Variants in PKHD1 observed in about 807,000 individuals in gnomAD.
PKHD1 encodes the protein fibrocystin.
PKHD1 carries 291 observed loss-of-function variants against 412.0 expected under a neutral mutation model. That is an observed-to-expected ratio of 0.71 (90% confidence interval 0.64 to 0.78). The LOEUF is 0.78. Among genes scored for constraint, PKHD1 ranks in the 30% least tolerant of loss-of-function variants. The pLI is 0.00. For missense variants in PKHD1, 4,825 were observed against 4,950.7 expected, an observed-to-expected ratio of 0.97 and a Z score of 0.76; for synonymous variants, 1,777 against 1,821.5, an observed-to-expected ratio of 0.98 and a Z score of 0.62.
At chr6:51,866,964 T>A (rs1398388417) in intron 48 of PKHD1, among the ~76,000 whole-genome samples, 1 of 152,150 alleles carries the variant, frequency 6.6e-6, no homozygotes, top group African/African-American at 2.4e-5. Flanking sequence ...TATTCAGTGC[T>A]ACCAGTGCAT....
chr6:51,951,668 A>G (rs1337304262), intron 36 of PKHD1, among the ~76,000 whole-genome samples: 1 of 152,214 alleles, frequency 6.6e-6, no homozygotes, highest in Non-Finnish European at 1.5e-5. Flanking sequence ...GACCCCAGGA[A>G]TATTGTATAG....
intron 55 of PKHD1, among the ~76,000 whole-genome samples, chr6:51,766,922 G>A (rs781537854): frequency 1.3e-5 from 2 of 151,996 alleles, no homozygotes; most frequent in East Asian, 3.9e-4. Context: ...GTTATGATCA[G>A]AGCAGTCTTT....
intron 8 of PKHD1, among the ~76,000 whole-genome samples, chr6:52,071,615 T>C (rs1810624992): frequency 6.6e-6 from 1 of 152,114 alleles, no homozygotes. Flanking sequence ...TTCTAAATTT[T>C]TTATTATTTT....
At chr6:51,621,508 T>C (rs972519602) in intron 66 of PKHD1, among the ~76,000 whole-genome samples, 17 of 152,208 alleles carry the variant, frequency 1.1e-4, no homozygotes, top group African/African-American at 4.1e-4. Flanking sequence ...TATCTTGTTT[T>C]TGAGAGACCT....
At chr6:51,645,287 T>C (rs750450075) in intron 63 of PKHD1, among the ~76,000 whole-genome samples, 3 of 152,248 alleles carry the variant, frequency 2.0e-5, no homozygotes, top group African/African-American at 7.2e-5. Context: ...TAATAATAGA[T>C]AATTGTGCTT....
chr6:52,072,109 A>C lies in PKHD1; in HGVS notation c.602+6T>G, dbSNP rs758866420. Reference sequence around the variant, plus strand: ...ATGTGCATTGGCAAGATAATAAGACACTCACCAGCTTCCCATCTGCCTATT... The same window carrying C: ...ATGTGCATTGGCAAGATAATAAGACCCTCACCAGCTTCCCATCTGCCTATT... On this transcript the variant is annotated splice_donor_region_variant and intron_variant, in intron 8 of 66. Transcript: ENST00000371117. 1.3e-6 allele frequency: 2 copies of C among 1,563,398 alleles called. No homozygotes were observed. Among genetic ancestry groups the C allele is most frequent in the South Asian group, 2.2e-5 (2 of 90,056 alleles).
In PKHD1 at chr6:52,025,465, C is replaced by T. The variant is rs376583098; in HGVS notation, c.4345G>A (p.Gly1449Ser). The change falls in exon 32 of 67, where the codon GGT becomes AGT. Residue 1449 changes from glycine to serine, a missense_variant. Transcript: ENST00000371117. ...AAGGAAGCTCCAGGCAAGGGGTCAC[C>T]CTCCAGGCTAACCTGGCAGAGAATG... ...HTILCQVSLEGDPLPGASFSL... is the reference protein window; with the variant it reads ...HTILCQVSLESDPLPGASFSL... 27 of 1,609,870 alleles carry T rather than the reference C, an allele frequency of 1.7e-5. No homozygotes were observed. Among genetic ancestry groups the T allele is most frequent in the Non-Finnish European group, 2.3e-5 (27 of 1,177,290 alleles).
chr6:51,791,114 A>G, intron 53 of PKHD1, 122 bp downstream of exon 53: 2 of 964,000 alleles, frequency 2.1e-6, no homozygotes, highest in Non-Finnish European at 3.4e-6. Context: ...TGCACTCACT[A>G]CTACCTTAAC....
intron 53 of PKHD1, among the ~76,000 whole-genome samples, chr6:51,786,967 G>C (rs959588584): frequency 5.9e-5 from 9 of 152,198 alleles, no homozygotes; most frequent in Admixed American, 1.3e-4. Flanking sequence ...GGCCCTCTAA[G>C]CAAAGCTTTG....
chr6:51,982,108 C>T (rs1795424607), intron 35 of PKHD1, among the ~76,000 whole-genome samples: 1 of 61,818 alleles, frequency 1.6e-5, no homozygotes, highest in African/African-American at 4.4e-5. Context: ...AAGTGAGGAG[C>T]CCCTCCGTCC....
chr6:52,065,852 T>A, intron 12 of PKHD1, 124 bp downstream of exon 12: 1 of 697,264 alleles, frequency 1.4e-6, no homozygotes, highest in South Asian at 1.6e-5. Context: ...ACATGACTTA[T>A]CAAACATGAT....
Position 52,055,899 on chromosome 6 carries a change from T to C in PKHD1, c.1694-170A>G, listed in dbSNP as rs1807656007. Among the ~76,000 whole-genome samples the C allele has an allele frequency of 2.0e-5, 3 of 152,200 alleles. No individual in the cohort carries two copies. In the South Asian group the frequency reaches 6.2e-4, roughly 32 times the overall value. On this transcript the variant is annotated intron_variant, in intron 18 of 66. Coordinates refer to ENST00000371117, the MANE Select transcript of PKHD1 (RefSeq NM_138694.4). ...GTAACTCAACCTCTCTGAGCCTCAG[T>C]TCCTCAACTCTAACTCCCCCAGCAT... is the stretch of plus-strand genomic sequence containing the variant.
At chr6:51,765,118 G>A (rs191346398) in intron 55 of PKHD1, among the ~76,000 whole-genome samples, 15 of 151,932 alleles carry the variant, frequency 9.9e-5, no homozygotes, top group African/African-American at 2.7e-4. Context: ...AACTCAGTGC[G>A]TGCTTCCTCC....
Position 51,616,829 on chromosome 6 carries a change from G to T in PKHD1, c.*2252C>A. On this transcript the variant is annotated 3_prime_UTR_variant, in exon 67 of 67. Coordinates refer to ENST00000371117, the MANE Select transcript of PKHD1 (RefSeq NM_138694.4). ...GAAGATAATAAAAATTGGAAGAAGG[G>T]TAAAGAAGGGGCAGAAATAACAGAG... is the stretch of plus-strand genomic sequence containing the variant. 1 of 394,442 alleles carries T rather than the reference G, an allele frequency of 2.5e-6. No individual in the cohort carries two copies. Among genetic ancestry groups the T allele is most frequent in the Non-Finnish European group, 4.5e-6 (1 of 223,488 alleles). 24.4% of individuals were successfully genotyped at this position (394,442 alleles called of 1,614,324 possible).
intron 11 of PKHD1, among the ~76,000 whole-genome samples, chr6:52,068,669 T>C (rs897193922): frequency 1.3e-5 from 2 of 152,230 alleles, no homozygotes; most frequent in African/African-American, 4.8e-5. Context: ...AGGTCTGACA[T>C]TCTTTCTATA....
At chr6:52,027,696 G>C (rs886548289) in intron 31 of PKHD1, 133 bp downstream of exon 31, 18 of 721,450 alleles carry the variant, frequency 2.5e-5, no homozygotes, top group Non-Finnish European at 4.5e-5. Context: ...TCAGTTCCTG[G>C]AGCCCGAGGA....
chr6:51,958,183 T>C (rs1791435999), intron 36 of PKHD1, among the ~76,000 whole-genome samples: 1 of 152,058 alleles, frequency 6.6e-6, no homozygotes, highest in Admixed American at 6.6e-5. Flanking sequence ...GTGCAGAAAC[T>C]GGAATCTACT....
intron 36 of PKHD1, among the ~76,000 whole-genome samples, chr6:51,939,630 C>T (rs544967271): frequency 2.6e-5 from 4 of 151,608 alleles, no homozygotes; most frequent in South Asian, 2.1e-4. Flanking sequence ...ATAGACAAAC[C>T]GTCTGAGATG....
chr6:51,833,873 GC>G (rs201829325), intron 51 of PKHD1, among the ~76,000 whole-genome samples: 14,633 of 152,176 alleles, frequency 0.096, 795 homozygotes, highest in East Asian at 0.15. Context: ...GTCTTCTGAA[GC>G]TTTAGATAAA....
Sources: gnomAD v4.1 joint callset for allele counts (sites outside exome capture counted in the v4.1 genomes callset) on GRCh38, gnomAD v4.1.1 for gene constraint, MANE v1.5 for transcripts, NCBI Gene and HGNC (gene_info 2026-07-23, HGNC 2026-07-21) for gene names.